Variants in CDH4 observed in about 807,000 individuals in gnomAD.
CDH4 encodes the protein cadherin-4.
In CDH4, 33 loss-of-function variants were observed where a neutral mutation model predicts 86.0. That is an observed-to-expected ratio of 0.38 (90% CI 0.29 to 0.51). CDH4 has a LOEUF of 0.51. Among genes scored for constraint, CDH4 ranks in the 20% least tolerant of loss-of-function variants. CDH4 has a pLI of 0.86. For missense variants in CDH4, 1,114 were observed against 1,307.4 expected (o/e 0.85, Z 2.28); for synonymous variants, 555 against 549.4 (o/e 1.01, Z -0.14).
chr20:61,578,892 G>A (rs555069747), intron 2 of CDH4, among the ~76,000 whole-genome samples: 9 of 152,132 alleles, frequency 5.9e-5, no homozygotes, highest in Admixed American at 1.3e-4. Flanking sequence ...CAGACACCCT[G>A]CCCCATCCAA....
At chr20:61,875,832 C>A (rs373274312) in intron 7 of CDH4, among the ~76,000 whole-genome samples, 5 of 152,140 alleles carry the variant, frequency 3.3e-5, no homozygotes, top group East Asian at 3.9e-4. Context: ...GTTAGTGAGG[C>A]CCATACAGAT....
intron 2 of CDH4, among the ~76,000 whole-genome samples, chr20:61,270,201 C>T (rs563850669): frequency 6.6e-6 from 1 of 152,138 alleles, no homozygotes; most frequent in African/African-American, 2.4e-5. Flanking sequence ...TACCGGCTAT[C>T]GTTATTTATT....
intron 3 of CDH4, among the ~76,000 whole-genome samples, chr20:61,767,394 C>T (rs918680659): frequency 2.6e-5 from 4 of 152,220 alleles, no homozygotes; most frequent in Non-Finnish European, 5.9e-5. Flanking sequence ...ATGCACAGCC[C>T]CCGGGGCAGT....
chr20:61,739,707 T>C (rs6061341), intron 2 of CDH4, among the ~76,000 whole-genome samples: 5,709 of 152,302 alleles, frequency 0.037, 351 homozygotes, highest in African/African-American at 0.13. Context: ...CCAGGCCCAG[T>C]TCAGAAGGTA....
chr20:61,795,543 T>C lies in CDH4; in HGVS notation c.576+22361T>C, dbSNP rs144070971. 2.1e-4 allele frequency among the ~76,000 whole-genome samples: 32 copies of C among 152,230 alleles called. 1 individual carries two copies. Among genetic ancestry groups the C allele is most frequent in the South Asian group, 4.1e-4 (2 of 4,822 alleles). On this transcript the variant is annotated intron_variant, in intron 4 of 15. Transcript: ENST00000614565. ...ACACATACGTTGTGCTTGGGGAGAC[T>C]GAGGCAGGCTTCACAGGGGAAGAGA... is the stretch of plus-strand genomic sequence containing the variant.
intron 2 of CDH4, among the ~76,000 whole-genome samples, chr20:61,635,058 G>A (rs938233204): frequency 2.0e-5 from 3 of 152,214 alleles, no homozygotes; most frequent in Non-Finnish European, 4.4e-5. Context: ...CACTGGGTTG[G>A]TTGCAGCCAC....
rs553719334 is a variant in CDH4 at position 61,611,942 on chromosome 20, G to T, written c.170-131621G>T. On this transcript the variant is annotated intron_variant, in intron 2 of 15. Coordinates refer to ENST00000614565, the MANE Select transcript of CDH4 (RefSeq NM_001794.5). ...ACTTCTTGTTGTGTGGGGGGATACGGGCGAGTCACCTTCTGTGTCACCATC... is the reference window on the plus strand; with the variant it reads ...ACTTCTTGTTGTGTGGGGGGATACGTGCGAGTCACCTTCTGTGTCACCATC... Among the ~76,000 whole-genome samples, 10 of 152,048 alleles carry T rather than the reference G, an allele frequency of 6.6e-5. No homozygotes were observed. In the East Asian group the frequency reaches 1.7e-3, roughly 26 times the overall value.
intron 2 of CDH4, among the ~76,000 whole-genome samples, chr20:61,730,211 G>A (rs954692612): frequency 6.6e-6 from 1 of 152,040 alleles, no homozygotes; most frequent in African/African-American, 2.4e-5. Flanking sequence ...GCGGATTCGT[G>A]GGTTTGGACA....
In CDH4 at chr20:61,257,168, G is replaced by A. The variant is rs531502131; in HGVS notation, c.169+2231G>A. ...AATTTGACGAGTGAAGCTTCACAGA[G>A]TGGCCATGTTCCTCTGAGTAGGCCA... On this transcript the variant is annotated intron_variant, in intron 2 of 15. Transcript: ENST00000614565. Among the ~76,000 whole-genome samples, 4 of 152,330 alleles carry A rather than the reference G, an allele frequency of 2.6e-5. No homozygotes were observed. The South Asian group carries it at 8.3e-4, about 32-fold the overall frequency.
At chr20:61,495,381 C>G (rs1270774658) in intron 2 of CDH4, among the ~76,000 whole-genome samples, 1 of 152,114 alleles carries the variant, frequency 6.6e-6, no homozygotes, top group Non-Finnish European at 1.5e-5. Flanking sequence ...CCACATGGAG[C>G]CTGGAACCCC....
chr20:61,398,131 AATGAGCAT>A (rs2085029414), intron 2 of CDH4, among the ~76,000 whole-genome samples: 1 of 152,212 alleles, frequency 6.6e-6, no homozygotes, highest in African/African-American at 2.4e-5. Context: ...GTTAGAATTG[AATGAGCAT>A]TCAAGCGTAT....
At position 61,368,155 on chromosome 20, in the gene CDH4, C is replaced by T. The variant is rs149078674; in HGVS notation, c.169+113218C>T. ...AAGTGCTGGGATTACAGGCGTGAGC[C>T]GCTGCGCCCGGCCTCTCCAGACTCT... is the stretch of plus-strand genomic sequence containing the variant. On this transcript the variant is annotated intron_variant, in intron 2 of 15. Coordinates refer to ENST00000614565, the MANE Select transcript of CDH4 (RefSeq NM_001794.5). 3.7e-4 allele frequency among the ~76,000 whole-genome samples: 57 copies of T among 152,272 alleles called. 1 individual carries two copies. The East Asian group carries it at 8.9e-3, about 24-fold the overall frequency.
intron 2 of CDH4, among the ~76,000 whole-genome samples, chr20:61,661,500 ATAC>A (rs1018482200): frequency 2.4e-5 from 3 of 125,584 alleles, no homozygotes; most frequent in African/African-American, 9.4e-5. Context: ...TTTAACACTC[ATAC>A]ATGTCAGAGT....
chr20:61,658,477 A>T (rs1418148981), intron 2 of CDH4, among the ~76,000 whole-genome samples: 1 of 152,172 alleles, frequency 6.6e-6, no homozygotes, highest in Non-Finnish European at 1.5e-5. Flanking sequence ...GCTCTGATCT[A>T]TAGGCTCCGG....
chr20:61,579,420 G>A (rs892490847), intron 2 of CDH4, among the ~76,000 whole-genome samples: 4 of 151,616 alleles, frequency 2.6e-5, no homozygotes, highest in Non-Finnish European at 4.4e-5. Flanking sequence ...CTGAGTAGCT[G>A]GGATTACAGG....
intron 2 of CDH4, among the ~76,000 whole-genome samples, chr20:61,531,421 C>T (rs191704464): frequency 1.4e-3 from 189 of 132,666 alleles, no homozygotes; most frequent in African/African-American, 4.4e-3. Flanking sequence ...TGCAGTGAGC[C>T]AAGATCGTGC....
At position 61,620,346 on chromosome 20, in the gene CDH4, A is replaced by G. The variant is rs531236969; in HGVS notation, c.170-123217A>G. ...TGGATGGATGGATAGATGGATGGAT[A>G]GATAGATGATGATGATGGATGATAG... On this transcript the variant is annotated intron_variant, in intron 2 of 15. Coordinates refer to ENST00000614565, the MANE Select transcript of CDH4 (RefSeq NM_001794.5). Among the ~76,000 whole-genome samples, 212 of 151,814 alleles carry G rather than the reference A, an allele frequency of 1.4e-3. 2 individuals carry two copies. The South Asian group carries it at 0.019, about 13-fold the overall frequency.
intron 2 of CDH4, among the ~76,000 whole-genome samples, chr20:61,452,508 C>T (rs1024324867): frequency 6.6e-6 from 1 of 152,168 alleles, no homozygotes; most frequent in Non-Finnish European, 1.5e-5. Flanking sequence ...ATAATGCATT[C>T]TGGGGCAGGC....
At chr20:61,288,336 G>A (rs920977313) in intron 2 of CDH4, among the ~76,000 whole-genome samples, 5 of 152,174 alleles carry the variant, frequency 3.3e-5, no homozygotes, top group Admixed American at 2.0e-4. Flanking sequence ...CATGTTGTTC[G>A]CTCTTGGCAG....
Sources: gnomAD v4.1 joint callset for allele counts (sites outside exome capture counted in the v4.1 genomes callset) on GRCh38, gnomAD v4.1.1 for gene constraint, MANE v1.5 for transcripts, NCBI Gene and HGNC (gene_info 2026-07-23, HGNC 2026-07-21) for gene names.